STXBP6: variants seen among roughly 807,000 people sequenced by gnomAD.
STXBP6 encodes the protein syntaxin-binding protein 6.
In STXBP6, 21 loss-of-function variants were observed where a neutral mutation model predicts 26.9. The observed-to-expected ratio is 0.78, with a 90% confidence interval of 0.55 to 1.12. STXBP6 has a LOEUF of 1.12. STXBP6 is among the 50% of genes most tolerant of loss of function. STXBP6 has a pLI of 0.00. For missense variants in STXBP6, 232 were observed against 257.9 expected (o/e 0.90, Z 0.69); for synonymous variants, 97 against 92.6 (o/e 1.05, Z -0.27).
chr14:25,023,886 A>T (rs1278102919), intron 1 of STXBP6, among the ~76,000 whole-genome samples: 2 of 152,214 alleles, frequency 1.3e-5, no homozygotes, highest in Non-Finnish European at 2.9e-5. Context: ...TGATCCTGAC[A>T]ACCTGGGAGG....
chr14:24,896,897 G>A (rs746632868), intron 2 of STXBP6, among the ~76,000 whole-genome samples: 15 of 152,172 alleles, frequency 9.9e-5, no homozygotes, highest in Non-Finnish European at 1.5e-4. Context: ...GGGCCCAAGT[G>A]AATGGGCATT....
At chr14:24,869,044 C>G (rs1018804285) in intron 2 of STXBP6, among the ~76,000 whole-genome samples, 2 of 152,216 alleles carry the variant, frequency 1.3e-5, no homozygotes, top group African/African-American at 2.4e-5. Flanking sequence ...AAATGTAAGA[C>G]TACGTCTTTG....
chr14:24,888,074 A>G (rs1233696517), intron 2 of STXBP6, among the ~76,000 whole-genome samples: 1 of 152,252 alleles, frequency 6.6e-6, no homozygotes, highest in East Asian at 1.9e-4. Flanking sequence ...TCTGTTCTTC[A>G]TGATTCATAG....
intron 2 of STXBP6, among the ~76,000 whole-genome samples, chr14:24,940,782 G>A (rs567035726): frequency 2.0e-5 from 3 of 152,280 alleles, no homozygotes; most frequent in South Asian, 4.1e-4. Context: ...TTGGGAGCCC[G>A]AGGCAGGTGG....
intron 2 of STXBP6, among the ~76,000 whole-genome samples, chr14:24,947,039 T>C (rs1055251722): frequency 3.3e-5 from 5 of 152,078 alleles, no homozygotes; most frequent in African/African-American, 9.7e-5. Context: ...TCTGAGAAAG[T>C]AAAGGCAGAG....
chr14:24,998,164 A>G (rs1446188720), intron 1 of STXBP6, among the ~76,000 whole-genome samples: 3 of 152,198 alleles, frequency 2.0e-5, no homozygotes, highest in African/African-American at 4.8e-5. Flanking sequence ...TTTCTGTCCA[A>G]TACTAGGTAT....
chr14:24,884,090 A>T (rs551057200), intron 2 of STXBP6, among the ~76,000 whole-genome samples: 1 of 152,268 alleles, frequency 6.6e-6, no homozygotes, highest in South Asian at 2.1e-4. Context: ...CCAAAAAAAA[A>T]GGTGGGGGGG....
At chr14:24,836,853 G>A (rs995064149) in intron 4 of STXBP6, among the ~76,000 whole-genome samples, 8 of 151,960 alleles carry the variant, frequency 5.3e-5, no homozygotes, top group South Asian at 2.1e-4. Context: ...GCACTTTTAC[G>A]GCAGGATAGA....
chr14:24,933,758 T>C (rs988832229), intron 2 of STXBP6, among the ~76,000 whole-genome samples: 1 of 152,182 alleles, frequency 6.6e-6, no homozygotes, highest in Non-Finnish European at 1.5e-5. Context: ...AAAAATGCTT[T>C]ATAGATTTAG....
intron 1 of STXBP6, among the ~76,000 whole-genome samples, chr14:25,003,594 A>T (rs965374875): frequency 1.3e-5 from 2 of 152,230 alleles, no homozygotes; most frequent in Admixed American, 6.5e-5. Flanking sequence ...CATACAGTAC[A>T]TGTAACATAA....
intron 2 of STXBP6, among the ~76,000 whole-genome samples, chr14:24,904,887 T>C (rs1262830757): frequency 6.6e-6 from 1 of 151,934 alleles, no homozygotes; most frequent in Non-Finnish European, 1.5e-5. Context: ...CAGTTCTATT[T>C]GATTAGAGAA....
At chr14:24,991,210 T>A (rs2074467301) in intron 1 of STXBP6, among the ~76,000 whole-genome samples, 1 of 151,572 alleles carries the variant, frequency 6.6e-6, no homozygotes, top group Non-Finnish European at 1.5e-5. Flanking sequence ...AAAGGAAGCA[T>A]CCAGAACTTC....
At chr14:24,928,366 T>C (rs116595471) in intron 2 of STXBP6, among the ~76,000 whole-genome samples, 1,715 of 151,174 alleles carry the variant, frequency 0.011, 31 homozygotes, top group African/African-American at 0.04. Flanking sequence ...AAACCAAGCA[T>C]CCTTGGTTTG....
chr14:24,963,196 C>T (rs957062593), intron 2 of STXBP6, among the ~76,000 whole-genome samples: 18 of 152,110 alleles, frequency 1.2e-4, no homozygotes, highest in African/African-American at 4.1e-4. Flanking sequence ...ACACAGTTGA[C>T]TCTGACCTGT....
At chr14:24,853,616 A>G (rs2069230191) in intron 4 of STXBP6, among the ~76,000 whole-genome samples, 1 of 152,110 alleles carries the variant, frequency 6.6e-6, no homozygotes, top group African/African-American at 2.4e-5. Context: ...TAACCTCTAC[A>G]TGTGACACCT....
intron 2 of STXBP6, among the ~76,000 whole-genome samples, chr14:24,928,966 G>A (rs970477216): frequency 2.6e-5 from 4 of 151,720 alleles, no homozygotes; most frequent in African/African-American, 9.7e-5. Context: ...AAAAAAAATA[G>A]TGTGACATTC....
At chr14:24,993,097 T>G (rs2074515181) in intron 1 of STXBP6, among the ~76,000 whole-genome samples, 1 of 152,180 alleles carries the variant, frequency 6.6e-6, no homozygotes, top group Non-Finnish European at 1.5e-5. Context: ...TAGTCTCCTT[T>G]GGTGATCTCA....
intron 2 of STXBP6, among the ~76,000 whole-genome samples, chr14:24,880,400 C>T (rs1241644): frequency 0.29 from 44,105 of 152,024 alleles, 7,136 homozygotes; most frequent in East Asian, 0.43. Flanking sequence ...AGTTCATGTC[C>T]ACATGTTTAC....
intron 2 of STXBP6, among the ~76,000 whole-genome samples, chr14:24,886,862 GTCAAGCATTGTAGAAT>G (rs2070607765): frequency 6.6e-6 from 1 of 152,194 alleles, no homozygotes; most frequent in Admixed American, 6.5e-5. Context: ...CCAACTCCTA[GTCAAGCATTGTAGAAT>G]ATCTTGCTGT....
Sources: gnomAD v4.1 joint callset for allele counts (sites outside exome capture counted in the v4.1 genomes callset) on GRCh38, gnomAD v4.1.1 for gene constraint, MANE v1.5 for transcripts, NCBI Gene and HGNC (gene_info 2026-07-23, HGNC 2026-07-21) for gene names.